Variants in SEC14L5 observed in about 807,000 individuals in gnomAD.
SEC14L5 encodes the protein SEC14-like protein 5.
Under a neutral mutation model 84.6 loss-of-function variants are expected in SEC14L5, and 96 were observed. That is an observed-to-expected ratio of 1.13 (90% CI 0.96 to 1.34). SEC14L5 has a LOEUF of 1.34. Ranked by LOEUF, SEC14L5 falls within the 40% of genes most tolerant of loss-of-function variation. The probability of loss-of-function intolerance (pLI) is 0.00; values close to 1 mark genes in which losing one functional copy is unlikely to be tolerated. For synonymous variants in SEC14L5, 546 were observed against 383.4 expected, an observed-to-expected ratio of 1.42 and a Z score of -4.95; for missense variants, 1,224 against 942.5, an observed-to-expected ratio of 1.30 and a Z score of -3.91.
intron 2 of SEC14L5, among the ~76,000 whole-genome samples, chr16:4,984,539 G>T (rs780425108): frequency 6.6e-6 from 1 of 152,026 alleles, no homozygotes; most frequent in Non-Finnish European, 1.5e-5. Context: ...CATTTCTCTT[G>T]GGTACATACC....
chr16:4,995,751 T>C (rs921473995), intron 6 of SEC14L5, among the ~76,000 whole-genome samples: 3 of 151,722 alleles, frequency 2.0e-5, no homozygotes, highest in African/African-American at 4.8e-5. Flanking sequence ...CTCAGCCTCC[T>C]GAGTAGCTGG....
At chr16:4,967,598 A>T (rs1596613700) in intron 2 of SEC14L5, among the ~76,000 whole-genome samples, 1 of 98,694 alleles carries the variant, frequency 1.0e-5, no homozygotes, top group South Asian at 3.8e-4. Context: ...TTTTTGACAG[A>T]GTGTTGCTCT....
intron 2 of SEC14L5, among the ~76,000 whole-genome samples, chr16:4,970,836 G>A (rs944120519): frequency 6.6e-6 from 1 of 152,240 alleles, no homozygotes; most frequent in Non-Finnish European, 1.5e-5. Context: ...CTGGCTGGGT[G>A]CGGTGGCTCG....
chr16:4,970,775 G>A (rs1391101421), intron 2 of SEC14L5, among the ~76,000 whole-genome samples: 3 of 152,122 alleles, frequency 2.0e-5, no homozygotes, highest in African/African-American at 7.2e-5. Context: ...CGGCTTCCCA[G>A]CCCAAAAGTA....
chr16:4,967,575 T>G (rs1322513323), intron 2 of SEC14L5, among the ~76,000 whole-genome samples: 1 of 132,352 alleles, frequency 7.6e-6, no homozygotes, highest in Admixed American at 7.6e-5. Context: ...TTTTTTTTTT[T>G]TTTTTTTTTT....
intron 15 of SEC14L5, 42 bp downstream of exon 15, chr16:5,011,315 T>C (rs1365046549): frequency 6.3e-7 from 1 of 1,575,396 alleles, no homozygotes; most frequent in African/African-American, 1.4e-5. Flanking sequence ...GGAAGGACCC[T>C]GGGGCTGATT....
chr16:4,982,369 A>G (rs1955434237), intron 2 of SEC14L5, among the ~76,000 whole-genome samples: 1 of 152,184 alleles, frequency 6.6e-6, no homozygotes, highest in Non-Finnish European at 1.5e-5. Flanking sequence ...GGAATAAGGA[A>G]TAAGGTCAGC....
intron 10 of SEC14L5, among the ~76,000 whole-genome samples, chr16:5,001,834 G>A (rs926139387): frequency 1.3e-5 from 2 of 151,950 alleles, no homozygotes; most frequent in Non-Finnish European, 2.9e-5. Flanking sequence ...GTGCAGTGGT[G>A]CAATCACAGC....
At chr16:4,981,130 T>C (rs910258559) in intron 2 of SEC14L5, among the ~76,000 whole-genome samples, 3 of 152,118 alleles carry the variant, frequency 2.0e-5, no homozygotes, top group Admixed American at 1.3e-4. Context: ...TTTATTTATT[T>C]ATTTGAGATG....
chr16:4,961,509 A>G (rs1393983272), intron 2 of SEC14L5, among the ~76,000 whole-genome samples: 2 of 152,044 alleles, frequency 1.3e-5, no homozygotes, highest in Admixed American at 6.6e-5. Flanking sequence ...TTGTATTTTC[A>G]GTATAGACGG....
chr16:4,970,413 G>T (rs937934574), intron 2 of SEC14L5, among the ~76,000 whole-genome samples: 3 of 152,204 alleles, frequency 2.0e-5, no homozygotes, highest in African/African-American at 7.2e-5. Context: ...TGGGACCCCA[G>T]TGCAAGTTAG....
At chr16:4,983,710 C>G (rs1955453874) in intron 2 of SEC14L5, among the ~76,000 whole-genome samples, 1 of 151,792 alleles carries the variant, frequency 6.6e-6, no homozygotes, top group Non-Finnish European at 1.5e-5. Flanking sequence ...AACCCCGTCT[C>G]TACTAGAAAT....
chr16:5,014,450 A>C (rs1955846923), intron 15 of SEC14L5, among the ~76,000 whole-genome samples: 1 of 152,248 alleles, frequency 6.6e-6, no homozygotes. Flanking sequence ...TTAACCAGAC[A>C]GCTGGGGGAG....
chr16:5,008,519 G>C lies in SEC14L5; in HGVS notation c.1671G>C (p.Ala557=), dbSNP rs575824237. 1 of 1,610,070 alleles carries C rather than the reference G, an allele frequency of 6.2e-7. No homozygotes were observed. The highest frequency in any genetic ancestry group is 8.5e-7 in the Non-Finnish European group (1 of 1,178,578). ...VVFSLYHTKQ[A]PRLGAREPGT... is the part of the protein sequence containing the mutation. ...TCAGCCTGTACCACACCAAGCAGGC[G>C]CCCAGGCTGGGCGCCCGGGAACCGG... Residue 557 remains alanine (A), a synonymous_variant, in exon 14 of 16, where the codon GCG becomes GCC. Transcript: ENST00000251170.
chr16:4,974,527 G>A (rs895606339), intron 2 of SEC14L5, among the ~76,000 whole-genome samples: 2 of 151,830 alleles, frequency 1.3e-5, no homozygotes, highest in Non-Finnish European at 2.9e-5. Flanking sequence ...AAAAAGGGTG[G>A]GCTATATGAT....
chr16:4,973,858 A>G (rs150584399), intron 2 of SEC14L5, among the ~76,000 whole-genome samples: 1 of 151,490 alleles, frequency 6.6e-6, no homozygotes, highest in Non-Finnish European at 1.5e-5. Context: ...AATGTTTTGT[A>G]TTTTTAGTAG....
intron 2 of SEC14L5, among the ~76,000 whole-genome samples, chr16:4,970,892 G>A (rs1216971313): frequency 6.6e-6 from 1 of 152,126 alleles, no homozygotes; most frequent in Non-Finnish European, 1.5e-5. Context: ...GGTGGATCAC[G>A]AGGTCAGGAC....
At chr16:4,986,910 C>G (rs1036972347) in intron 2 of SEC14L5, among the ~76,000 whole-genome samples, 1 of 152,074 alleles carries the variant, frequency 6.6e-6, no homozygotes, top group Admixed American at 6.6e-5. Flanking sequence ...TTGATTAGTT[C>G]TAATCTTTTT....
intron 12 of SEC14L5, 22 bp downstream of exon 12, chr16:5,006,070 A>T (rs1471329125): frequency 6.2e-7 from 1 of 1,612,070 alleles, no homozygotes; most frequent in African/African-American, 1.3e-5. Flanking sequence ...ATGTCCACAG[A>T]CAGACCTGGG....
Sources: allele counts gnomAD v4.1 joint callset (sites outside exome capture counted in the v4.1 genomes callset), GRCh38; gene constraint gnomAD v4.1.1; transcripts MANE v1.5; gene names NCBI Gene and HGNC (gene_info 2026-07-23, HGNC 2026-07-21).